Variants in FBN2 observed in about 807,000 individuals in gnomAD.
FBN2 encodes fibrillin 2.
A neutral mutation model predicts 355.6 loss-of-function variants in FBN2; 105 were observed. The observed-to-expected ratio is 0.30, with a 90% CI of 0.25 to 0.35. The LOEUF is 0.35. Ranked by LOEUF, FBN2 falls within the 10% of genes least tolerant of loss-of-function variation. FBN2 has a pLI of 1.00. For synonymous variants in FBN2, 1,350 were observed against 1,301.2 expected, an observed-to-expected ratio of 1.04 and a Z score of -0.81; for missense variants, 3,280 against 3,758.7, an observed-to-expected ratio of 0.87 and a Z score of 3.33.
intron 59 of FBN2, 45 bp downstream of exon 59, chr5:128,275,993 A>G: frequency 6.2e-7 from 1 of 1,607,076 alleles, no homozygotes; most frequent in Non-Finnish European, 8.5e-7. Flanking sequence ...ATTTGAAAGA[A>G]AAGATACAGA....
At chr5:128,496,888 C>T (rs1755670701) in intron 5 of FBN2, among the ~76,000 whole-genome samples, 1 of 151,938 alleles carries the variant, frequency 6.6e-6, no homozygotes, top group Non-Finnish European at 1.5e-5. Context: ...CAAAACTCAA[C>T]TGCATTACTG....
intron 62 of FBN2, among the ~76,000 whole-genome samples, chr5:128,269,170 T>A (rs1048288597): frequency 3.3e-5 from 5 of 151,662 alleles, no homozygotes; most frequent in African/African-American, 9.7e-5. Context: ...ATTCTAGCAC[T>A]TTGGGAGGCC....
At chr5:128,320,857 T>C (rs1236691816) in intron 34 of FBN2, among the ~76,000 whole-genome samples, 1 of 152,218 alleles carries the variant, frequency 6.6e-6, no homozygotes, top group Non-Finnish European at 1.5e-5. Context: ...GGCTTTATGC[T>C]AAAGTTGAAA....
intron 6 of FBN2, among the ~76,000 whole-genome samples, chr5:128,460,783 G>T (rs1343357357): frequency 6.6e-6 from 1 of 152,194 alleles, no homozygotes; most frequent in Non-Finnish European, 1.5e-5. Context: ...AGTAAATGGT[G>T]CTGGGAAAAC....
At chr5:128,429,581 T>C (rs1397800298) in intron 7 of FBN2, among the ~76,000 whole-genome samples, 1 of 152,196 alleles carries the variant, frequency 6.6e-6, no homozygotes, top group Admixed American at 6.5e-5. Flanking sequence ...AACGTAACAT[T>C]ATACTTTGTG....
chr5:128,524,098 C>A (rs894507252), intron 4 of FBN2, among the ~76,000 whole-genome samples: 4 of 152,102 alleles, frequency 2.6e-5, no homozygotes, highest in African/African-American at 9.7e-5. Context: ...CCTCTCCAAA[C>A]TCAATTCTTA....
intron 6 of FBN2, among the ~76,000 whole-genome samples, chr5:128,448,361 C>T (rs1175452729): frequency 6.6e-6 from 1 of 151,566 alleles, no homozygotes; most frequent in African/African-American, 2.4e-5. Flanking sequence ...CTGGAGTGTG[C>T]AGTGGCGTGA....
intron 45 of FBN2, among the ~76,000 whole-genome samples, chr5:128,303,564 G>T (rs1173062545): frequency 1.3e-5 from 2 of 152,124 alleles, no homozygotes; most frequent in African/African-American, 4.8e-5. Context: ...AGGTTTATTA[G>T]AATTCACTAT....
At chr5:128,420,612 T>C (rs971189457) in intron 7 of FBN2, among the ~76,000 whole-genome samples, 2 of 152,232 alleles carry the variant, frequency 1.3e-5, no homozygotes, top group African/African-American at 4.8e-5. Flanking sequence ...ATTGAAAATT[T>C]AGCTTACCGA....
chr5:128,363,596 T>C (rs929808674), intron 18 of FBN2, among the ~76,000 whole-genome samples: 1 of 152,184 alleles, frequency 6.6e-6, no homozygotes, highest in Non-Finnish European at 1.5e-5. Context: ...TGTGACTTTA[T>C]TTGGAAATAG....
chr5:128,537,849 C>A lies in FBN2; in HGVS notation c.-246G>T. On this transcript the variant is annotated 5_prime_UTR_variant, in exon 1 of 65. Coordinates refer to ENST00000262464, the MANE Select transcript of FBN2 (RefSeq NM_001999.4). Reference sequence around the variant, plus strand: ...GCGGCGAGGCGCGGCGGAGGTGCAGCCGGCAGCCCCGAGCGGTACACGTTG... The same window carrying A: ...GCGGCGAGGCGCGGCGGAGGTGCAGACGGCAGCCCCGAGCGGTACACGTTG... The A allele has an allele frequency of 1.7e-6, 1 of 592,366 alleles. No homozygotes were observed. Among genetic ancestry groups the A allele is most frequent in the Admixed American group, 3.0e-5 (1 of 33,580 alleles). The allele number at this position is 592,366 out of a possible 1,614,324, so 36.7% of individuals were successfully genotyped here. A position where few individuals can be genotyped will look rare whatever the true frequency, so the allele number is the denominator to read the frequency against.
chr5:128,357,154 T>C, intron 20 of FBN2, 122 bp downstream of exon 20: 1 of 1,243,708 alleles, frequency 8.0e-7, no homozygotes, highest in Non-Finnish European at 1.2e-6. Flanking sequence ...TAAAAACAAC[T>C]AACATAATGT....
Position 128,395,118 on chromosome 5 carries a change from G to C in FBN2, c.1231+4C>G. ...GCTGAGGAGACTAACAGCCAGCCACGTACCAGAACCTCTGACAGGACAGGC... is the reference window on the plus strand; with the variant it reads ...GCTGAGGAGACTAACAGCCAGCCACCTACCAGAACCTCTGACAGGACAGGC... On this transcript the variant is annotated splice_donor_region_variant and intron_variant, in intron 9 of 64. Transcript: ENST00000262464. The C allele has an allele frequency of 1.9e-6, 3 of 1,614,022 alleles. No homozygotes were observed. Among genetic ancestry groups the C allele is most frequent in the Non-Finnish European group, 2.5e-6 (3 of 1,179,952 alleles).
At chr5:128,335,891 A>G in intron 28 of FBN2, 97 bp downstream of exon 28, 1 of 1,330,394 alleles carries the variant, frequency 7.5e-7, no homozygotes, top group Non-Finnish European at 1.1e-6. Flanking sequence ...TTTTTGGGAC[A>G]AAGGATTTGC....
chr5:128,483,812 G>GA (rs1158798795), intron 5 of FBN2, among the ~76,000 whole-genome samples: 16 of 152,018 alleles, frequency 1.1e-4, no homozygotes, highest in African/African-American at 3.4e-4. Context: ...ATAATAGCTG[G>GA]AAAAAATGTT....
intron 48 of FBN2, among the ~76,000 whole-genome samples, chr5:128,299,435 A>ACTGCTGCCTTG (rs376537767): frequency 1.9e-4 from 24 of 126,106 alleles, no homozygotes; most frequent in Admixed American, 2.4e-4. Flanking sequence ...CCCCAGCCTC[A>ACTGCTGCCTTG]CAGTTTGATC....
chr5:128,527,382 G>A (rs1756589677), intron 4 of FBN2, among the ~76,000 whole-genome samples: 1 of 152,068 alleles, frequency 6.6e-6, no homozygotes, highest in Non-Finnish European at 1.5e-5. Flanking sequence ...TCATCACCCT[G>A]TATCTTAGTA....
intron 5 of FBN2, among the ~76,000 whole-genome samples, chr5:128,497,469 T>TA (rs1205737464): frequency 6.6e-6 from 1 of 152,200 alleles, no homozygotes; most frequent in African/African-American, 2.4e-5. Context: ...AGTGGTTAAG[T>TA]AATTTTAGGG....
At chr5:128,374,159 C>A (rs1404060358) in intron 15 of FBN2, among the ~76,000 whole-genome samples, 4 of 152,010 alleles carry the variant, frequency 2.6e-5, no homozygotes, top group Admixed American at 6.6e-5. Flanking sequence ...TCTGTAGGTT[C>A]TGAAGGGGGC....
Sources: allele counts gnomAD v4.1 joint callset (sites outside exome capture counted in the v4.1 genomes callset), GRCh38; gene constraint gnomAD v4.1.1; transcripts MANE v1.5; gene names NCBI Gene and HGNC (gene_info 2026-07-23, HGNC 2026-07-21).